Variants in MED13L observed in about 807,000 individuals in gnomAD.
The protein encoded by MED13L is mediator of RNA polymerase II transcription subunit 13-like.
A neutral mutation model predicts 220.9 loss-of-function variants in MED13L; 7 were observed. The ratio of observed to expected loss-of-function variants is 0.03; its 90% CI spans 0.02 to 0.06. The LOEUF (loss-of-function observed/expected upper bound fraction) is 0.06. Among genes scored for constraint, MED13L ranks in the 10% least tolerant of loss-of-function variants. MED13L has a pLI of 1.00. For missense variants in MED13L, 1,965 were observed against 2,760.5 expected, an observed-to-expected ratio of 0.71 and a Z score of 6.46; for synonymous variants, 1,011 against 1,015.2, an observed-to-expected ratio of 1.00 and a Z score of 0.08.
intron 4 of MED13L, among the ~76,000 whole-genome samples, chr12:116,024,063 C>G (rs1054297229): frequency 3.9e-5 from 6 of 152,172 alleles, no homozygotes; most frequent in African/African-American, 1.4e-4. Flanking sequence ...CTGACTTATC[C>G]CTATTCATGC....
intron 4 of MED13L, among the ~76,000 whole-genome samples, chr12:116,073,560 TA>T (rs1004677930): frequency 6.6e-6 from 1 of 152,162 alleles, no homozygotes; most frequent in African/African-American, 2.4e-5. Flanking sequence ...TAATTGATAG[TA>T]AAAAAATACT....
chr12:116,004,648 G>A (rs1239300021), intron 13 of MED13L, among the ~76,000 whole-genome samples: 2 of 151,904 alleles, frequency 1.3e-5, no homozygotes, highest in Admixed American at 6.6e-5. Flanking sequence ...AATCTAGTTC[G>A]TTTTTGTTGT....
chr12:116,046,624 G>C (rs995523463), intron 4 of MED13L, among the ~76,000 whole-genome samples: 2 of 152,316 alleles, frequency 1.3e-5, no homozygotes, highest in East Asian at 3.9e-4. Flanking sequence ...GGCAAAATCA[G>C]TGTAATATTT....
chr12:116,189,025 G>A (rs1317626405), intron 2 of MED13L, among the ~76,000 whole-genome samples: 2 of 152,104 alleles, frequency 1.3e-5, no homozygotes, highest in African/African-American at 2.4e-5. Context: ...TAAACATTAC[G>A]TATAGGTTTC....
intron 4 of MED13L, among the ~76,000 whole-genome samples, chr12:116,047,594 T>A (rs193091305): frequency 5.0e-4 from 76 of 152,222 alleles, no homozygotes; most frequent in Non-Finnish European, 3.1e-4. Flanking sequence ...GAAAATAGAT[T>A]AAGATAACCA....
intron 3 of MED13L, among the ~76,000 whole-genome samples, chr12:116,106,545 G>A (rs1873589127): frequency 6.6e-6 from 1 of 152,074 alleles, no homozygotes; most frequent in Non-Finnish European, 1.5e-5. Context: ...TATATATTCA[G>A]TAAAAAAGAT....
At chr12:116,072,446 T>C (rs1870450787) in intron 4 of MED13L, among the ~76,000 whole-genome samples, 1 of 151,182 alleles carries the variant, frequency 6.6e-6, no homozygotes, top group East Asian at 2.0e-4. Flanking sequence ...CTGTTTACAA[T>C]ACAGTTTTTG....
At chr12:116,099,244 C>G (rs1333589801) in intron 3 of MED13L, among the ~76,000 whole-genome samples, 1 of 152,188 alleles carries the variant, frequency 6.6e-6, no homozygotes, top group Non-Finnish European at 1.5e-5. Flanking sequence ...AACTCTCATG[C>G]TGTCACATTT....
intron 14 of MED13L, among the ~76,000 whole-genome samples, chr12:115,999,452 A>T (rs935791524): frequency 6.6e-6 from 1 of 151,990 alleles, no homozygotes; most frequent in African/African-American, 2.4e-5. Context: ...TTTAGTCCCT[A>T]TTCCTCCTCT....
intron 2 of MED13L, among the ~76,000 whole-genome samples, chr12:116,208,658 T>C (rs1259278641): frequency 6.6e-6 from 1 of 152,194 alleles, no homozygotes; most frequent in Non-Finnish European, 1.5e-5. Flanking sequence ...CTAATTCAAA[T>C]ATTCTATATA....
chr12:116,004,925 A>T (rs1047039744), intron 13 of MED13L, among the ~76,000 whole-genome samples: 18 of 152,194 alleles, frequency 1.2e-4, no homozygotes, highest in African/African-American at 3.6e-4. Context: ...CTGAATGTCC[A>T]GCAACTTTAG....
intron 2 of MED13L, among the ~76,000 whole-genome samples, chr12:116,161,066 T>A (rs975403954): frequency 1.3e-5 from 2 of 152,158 alleles, no homozygotes; most frequent in African/African-American, 4.8e-5. Context: ...TCATTTTACA[T>A]CATCCCAGGT....
chr12:116,070,672 C>G (rs767676904), intron 4 of MED13L, among the ~76,000 whole-genome samples: 1 of 152,038 alleles, frequency 6.6e-6, no homozygotes, highest in Admixed American at 6.5e-5. Context: ...ACAAGCATGC[C>G]GCACCCTAGA....
intron 2 of MED13L, among the ~76,000 whole-genome samples, chr12:116,156,402 TAAA>T (rs11366103): frequency 5.9e-5 from 7 of 119,432 alleles, no homozygotes; most frequent in African/African-American, 1.2e-4. Context: ...TCCAATTACT[TAAA>T]AAAAAAAAAA....
chr12:116,152,717 G>A (rs1878141573), intron 2 of MED13L, among the ~76,000 whole-genome samples: 1 of 152,122 alleles, frequency 6.6e-6, no homozygotes, highest in Non-Finnish European at 1.5e-5. Flanking sequence ...GAGTATTGCA[G>A]TATGATTAAT....
At chr12:116,049,324 G>C (rs909918328) in intron 4 of MED13L, among the ~76,000 whole-genome samples, 4 of 152,148 alleles carry the variant, frequency 2.6e-5, no homozygotes, top group African/African-American at 9.7e-5. Flanking sequence ...CAAAAGGCTT[G>C]AAATTAAAAT....
At chr12:115,992,165 T>A (rs1442504836) in intron 16 of MED13L, among the ~76,000 whole-genome samples, 4 of 152,032 alleles carry the variant, frequency 2.6e-5, no homozygotes, top group Non-Finnish European at 5.9e-5. Context: ...AAGTAAGGTA[T>A]GAAGAATAAT....
intron 7 of MED13L, among the ~76,000 whole-genome samples, chr12:116,017,470 C>T (rs1042609800): frequency 1.3e-5 from 2 of 152,142 alleles, no homozygotes; most frequent in African/African-American, 4.8e-5. Flanking sequence ...ACTGATAATT[C>T]TAATTTTTAT....
chr12:116,177,137 A>AC (rs142631730), intron 2 of MED13L, among the ~76,000 whole-genome samples: 8 of 151,696 alleles, frequency 5.3e-5, no homozygotes, highest in South Asian at 2.1e-4. Flanking sequence ...TGTAATGAGT[A>AC]CCCCCCTCCC....
Sources: allele counts gnomAD v4.1 joint callset (sites outside exome capture counted in the v4.1 genomes callset), GRCh38; gene constraint gnomAD v4.1.1; transcripts MANE v1.5; gene names NCBI Gene and HGNC (gene_info 2026-07-23, HGNC 2026-07-21).